The following SLC10A2 variants were observed in gnomAD, a reference collection of about 807,000 sequenced individuals.
SLC10A2 encodes solute carrier family 10 member 2.
A neutral mutation model predicts 27.1 loss-of-function variants in SLC10A2; 34 were observed. The ratio of observed to expected loss-of-function variants is 1.26; its 90% confidence interval spans 0.96 to 1.67. The LOEUF (loss-of-function observed/expected upper bound fraction) is 1.67, where lower values mean the gene tolerates loss of function less well. SLC10A2 is among the 40% of genes most tolerant of loss of function. The pLI, the probability that SLC10A2 is intolerant of heterozygous loss-of-function variation, is 0.00. For missense variants in SLC10A2, 530 were observed against 444.4 expected (o/e 1.19, Z -1.73); for synonymous variants, 205 against 174.0 (o/e 1.18, Z -1.40).
At chr13:103,056,306 T>C (rs1875935275) in intron 2 of SLC10A2, among the ~76,000 whole-genome samples, 1 of 152,232 alleles carries the variant, frequency 6.6e-6, no homozygotes, top group South Asian at 2.1e-4. Context: ...TCTCTCTTTT[T>C]CCGTTTTCTT....
chr13:103,055,755 C>T (rs1368875852), intron 2 of SLC10A2, among the ~76,000 whole-genome samples: 4 of 152,190 alleles, frequency 2.6e-5, no homozygotes, highest in Non-Finnish European at 5.9e-5. Flanking sequence ...AGCCCCCTTA[C>T]TTTGTGCTAG....
chr13:103,051,418 C>T lies in SLC10A2; in HGVS notation c.600G>A (p.Ala200=), dbSNP rs749760245. 3.2e-5 allele frequency: 51 copies of T among 1,613,690 alleles called. No individual in the cohort carries two copies. Among genetic ancestry groups the T allele is most frequent in the South Asian group, 6.6e-5 (6 of 91,062 alleles). ...CTATGAGCACAATGAGGATGGCGCC[C>T]GCGATGGACCCAATCTGAAAAAAAA... is the stretch of plus-strand genomic sequence containing the variant. ...AKIILKIGSI[A]GAILIVLIAV... The change falls in exon 4 of 6, where the codon GCG becomes GCA. Residue 200 remains alanine (A), a synonymous_variant. Transcript: ENST00000245312.
intron 4 of SLC10A2, among the ~76,000 whole-genome samples, chr13:103,049,806 A>G (rs1875721937): frequency 6.6e-6 from 1 of 152,136 alleles, no homozygotes; most frequent in Non-Finnish European, 1.5e-5. Flanking sequence ...AAAATGCTCA[A>G]GATATGGTAT....
intron 5 of SLC10A2, 123 bp downstream of exon 5, chr13:103,049,166 T>C: frequency 9.7e-7 from 1 of 1,035,772 alleles, no homozygotes; most frequent in Non-Finnish European, 1.5e-6. Context: ...TGACGGTGGC[T>C]TTTTCCTCTC....
chr13:103,062,989 T>A (rs1876169014), intron 1 of SLC10A2, among the ~76,000 whole-genome samples: 1 of 152,176 alleles, frequency 6.6e-6, no homozygotes, highest in African/African-American at 2.4e-5. Context: ...GATGTTTCTG[T>A]GTCCTCTCAA....
rs1174506475 is a variant in SLC10A2 at position 103,051,306 on chromosome 13, A to G, written c.712T>C (p.Tyr238His). The G allele has an allele frequency of 6.2e-7, 1 of 1,614,166 alleles. No individual in the cohort carries two copies. Among genetic ancestry groups the G allele is most frequent in the South Asian group, 1.1e-5 (1 of 91,076 alleles). ...CTAGCCAGAAGAAACCCCAGGGAGT[A>G]ACCCGCCACAGGAAATATTGTTCCT... ...IIGTIFPVAGYSLGFLLARIA... is the reference protein window; with the variant it reads ...IIGTIFPVAGHSLGFLLARIA... The change falls in exon 4 of 6, where the codon TAC becomes CAC. Residue 238 changes from tyrosine to histidine, a missense_variant. By Grantham distance (83) the Tyr-to-His change is moderately conservative (BLOSUM62 2). Coordinates refer to ENST00000245312, the MANE Select transcript of SLC10A2 (RefSeq NM_000452.3).
At chr13:103,053,082 GT>G (rs1875835448) in intron 2 of SLC10A2, among the ~76,000 whole-genome samples, 3 of 294 alleles carry the variant, frequency 0.01, no homozygotes, top group African/African-American at 0.05. Context: ...GCTCACCAAG[GT>G]GTGTGTGTGT....
At chr13:103,060,033 G>A (rs1467945274) in intron 1 of SLC10A2, among the ~76,000 whole-genome samples, 2 of 152,000 alleles carry the variant, frequency 1.3e-5, no homozygotes, top group Admixed American at 1.3e-4. Context: ...TAATAAGAGG[G>A]TCTGGCTGAG....
At chr13:103,061,688 G>A (rs930051174) in intron 1 of SLC10A2, among the ~76,000 whole-genome samples, 1 of 152,104 alleles carries the variant, frequency 6.6e-6, no homozygotes, top group African/African-American at 2.4e-5. Flanking sequence ...GGACAAAAGA[G>A]GGTTTGGAGA....
chr13:103,056,199 TTGTC>T (rs1310497870), intron 2 of SLC10A2, among the ~76,000 whole-genome samples: 1 of 152,254 alleles, frequency 6.6e-6, no homozygotes, highest in Non-Finnish European at 1.5e-5. Context: ...AGAAAACTTT[TTGTC>T]TGAATGCTCA....
intron 4 of SLC10A2, 39 bp from the exon 5 acceptor site, chr13:103,049,485 T>G: frequency 6.2e-7 from 1 of 1,610,620 alleles, no homozygotes; most frequent in Non-Finnish European, 8.5e-7. Context: ...TTTAGTAGTT[T>G]TGTTATTGTG....
intron 2 of SLC10A2, among the ~76,000 whole-genome samples, chr13:103,057,295 T>G (rs1281563853): frequency 3.3e-5 from 5 of 152,212 alleles, no homozygotes; most frequent in Non-Finnish European, 7.3e-5. Flanking sequence ...AGGAACTCTC[T>G]TGTTCTTCCT....
intron 3 of SLC10A2, among the ~76,000 whole-genome samples, chr13:103,051,647 T>C (rs1017311539): frequency 6.6e-6 from 1 of 152,228 alleles, no homozygotes; most frequent in Non-Finnish European, 1.5e-5. Flanking sequence ...CAATAGGACA[T>C]GTAGCAACCA....
chr13:103,064,886 C>T (rs1876229565), intron 1 of SLC10A2, among the ~76,000 whole-genome samples: 1 of 152,176 alleles, frequency 6.6e-6, no homozygotes, highest in Admixed American at 6.5e-5. Context: ...ACAGCAGGTT[C>T]CTAATTGATC....
chr13:103,047,201 T>C (rs1875638638), intron 5 of SLC10A2, among the ~76,000 whole-genome samples: 1 of 152,184 alleles, frequency 6.6e-6, no homozygotes, highest in South Asian at 2.1e-4. Context: ...TGAAGAATAG[T>C]AAATGCTCAA....
At chr13:103,050,419 A>T (rs981559638) in intron 4 of SLC10A2, among the ~76,000 whole-genome samples, 5 of 152,106 alleles carry the variant, frequency 3.3e-5, no homozygotes, top group African/African-American at 1.2e-4. Context: ...TGTGGATTCG[A>T]TGGATTAGTC....
intron 1 of SLC10A2, 59 bp from the exon 2 acceptor site, chr13:103,058,441 TTTA>T (rs1303432318): frequency 7.2e-5 from 71 of 987,496 alleles, no homozygotes; most frequent in Non-Finnish European, 1.1e-4. Context: ...AAGATGCTGT[TTTA>T]TTTTTATTTT....
At chr13:103,049,993 A>G (rs1248661671) in intron 4 of SLC10A2, among the ~76,000 whole-genome samples, 1 of 151,630 alleles carries the variant, frequency 6.6e-6, no homozygotes, top group Non-Finnish European at 1.5e-5. Flanking sequence ...TAAAACAACA[A>G]AACAAAACAA....
intron 1 of SLC10A2, among the ~76,000 whole-genome samples, chr13:103,063,219 G>T (rs61509092): frequency 0.014 from 2,118 of 149,812 alleles, 49 homozygotes; most frequent in African/African-American, 0.049. Context: ...TTTTTTTTTT[G>T]TTTTTCAAAG....
Sources: allele counts gnomAD v4.1 joint callset (sites outside exome capture counted in the v4.1 genomes callset), GRCh38; gene constraint gnomAD v4.1.1; transcripts MANE v1.5; gene names NCBI Gene and HGNC (gene_info 2026-07-23, HGNC 2026-07-21).